PDE8B: variants seen among roughly 807,000 people sequenced by gnomAD.
The protein encoded by PDE8B is high affinity cAMP-specific and IBMX-insensitive 3',5'-cyclic phosphodiesterase 8B.
A neutral mutation model predicts 101.3 loss-of-function variants in PDE8B; 26 were observed. The observed-to-expected ratio is 0.26, with a 90% CI of 0.19 to 0.36. The LOEUF (loss-of-function observed/expected upper bound fraction) is 0.36. PDE8B is among the 10% of genes least tolerant of loss of function. The pLI is 1.00. For missense variants in PDE8B, 810 were observed against 1,163.1 expected (o/e 0.70, Z 4.42); for synonymous variants, 424 against 429.3 (o/e 0.99, Z 0.15).
the PDE8B span, among the ~76,000 whole-genome samples, chr5:77,181,297 A>C: frequency 6.6e-6 from 1 of 152,124 alleles, no homozygotes; most frequent in Non-Finnish European, 1.5e-5. Context: ...CCGGGAGAAC[A>C]GTCTGTGGTA....
chr5:77,347,737 G>A (rs1300125625), intron 7 of PDE8B, among the ~76,000 whole-genome samples: 1 of 152,180 alleles, frequency 6.6e-6, no homozygotes, highest in East Asian at 1.9e-4. Flanking sequence ...GGGGAATCAG[G>A]GAAGGCTTCC....
chr5:77,183,362 C>A, the PDE8B span, among the ~76,000 whole-genome samples: 1 of 152,146 alleles, frequency 6.6e-6, no homozygotes, highest in Non-Finnish European at 1.5e-5. Flanking sequence ...TCATGATCCA[C>A]CCGCCTCGGC....
At position 77,342,212 on chromosome 5, in the gene PDE8B, T is replaced by G. The variant is rs78576040; in HGVS notation, c.798-2641T>G. Among the ~76,000 whole-genome samples the G allele has an allele frequency of 5.2e-3, 791 of 152,330 alleles. 7 individuals are homozygous for G. The highest frequency in any genetic ancestry group is 0.019 in the African/African-American group (771 of 41,572). ...AAGTATTACTCTGTGATCTTAAACA[T>G]AACAACAGGTATCTACATGTGTTGT... On this transcript the variant is annotated intron_variant, in intron 6 of 21. Transcript: ENST00000264917.
At chr5:77,294,602 A>C (rs1768102692) in intron 1 of PDE8B, among the ~76,000 whole-genome samples, 2 of 152,088 alleles carry the variant, frequency 1.3e-5, no homozygotes, top group African/African-American at 4.8e-5. Flanking sequence ...TTACATCATT[A>C]GACAACAGAA....
At chr5:77,296,646 G>A (rs1277011145) in intron 1 of PDE8B, among the ~76,000 whole-genome samples, 2 of 152,104 alleles carry the variant, frequency 1.3e-5, no homozygotes, top group Non-Finnish European at 2.9e-5. Flanking sequence ...ATTTTTAAAC[G>A]TGTTGAATTT....
intron 10 of PDE8B, among the ~76,000 whole-genome samples, chr5:77,361,505 C>T (rs1283079315): frequency 6.7e-6 from 1 of 148,918 alleles, no homozygotes; most frequent in East Asian, 2.0e-4. Flanking sequence ...TGTTATTTGT[C>T]TTTCATCTTA....
the PDE8B span, among the ~76,000 whole-genome samples, chr5:77,156,437 A>C: frequency 3.3e-5 from 5 of 152,198 alleles, no homozygotes; most frequent in African/African-American, 1.2e-4. Context: ...GAGATGGAGA[A>C]GGAGAGCTAG....
At chr5:77,086,872 A>G in the PDE8B span, 8,348 of 152,452 alleles carry the variant, frequency 0.055, 272 homozygotes, top group East Asian at 0.086. Context: ...AGAGGAGTGC[A>G]GGGAAGGAGC....
intron 1 of PDE8B, among the ~76,000 whole-genome samples, chr5:77,309,378 C>CA (rs1772025700): frequency 6.6e-6 from 1 of 152,130 alleles, no homozygotes; most frequent in Admixed American, 6.5e-5. Context: ...TATCTCTTGG[C>CA]CTTCCAATGC....
intron 17 of PDE8B, among the ~76,000 whole-genome samples, chr5:77,415,780 A>C (rs1206259361): frequency 6.6e-6 from 1 of 152,162 alleles, no homozygotes; most frequent in Non-Finnish European, 1.5e-5. Context: ...ATGTTACCCA[A>C]TTCCAGGGAA....
At chr5:77,159,069 A>G in the PDE8B span, among the ~76,000 whole-genome samples, 3 of 152,052 alleles carry the variant, frequency 2.0e-5, no homozygotes, top group Admixed American at 6.6e-5. Context: ...GCCCTACTCT[A>G]TGTGGTCTCA....
chr5:77,137,930 G>A, the PDE8B span, among the ~76,000 whole-genome samples: 3 of 152,040 alleles, frequency 2.0e-5, no homozygotes, highest in African/African-American at 7.2e-5. Context: ...CAGACATGCT[G>A]CCCACCCAGA....
the PDE8B span, among the ~76,000 whole-genome samples, chr5:77,108,539 C>T: frequency 2.0e-5 from 3 of 152,018 alleles, no homozygotes; most frequent in Non-Finnish European, 2.9e-5. Flanking sequence ...AAAAATTAGC[C>T]GGGCATGGTG....
Position 77,325,729 on chromosome 5 carries a change from G to A in PDE8B, c.590G>A (p.Arg197Lys). ...AACTTCGATGCAGAAGCAGTGTGCA[G>A]GTACCTTCTCTAATTTAATATGCTT... ...TQNFDAEAVC[R>K]SIRATNPSEH... Residue 197 changes from arginine (R) to lysine (K), a missense_variant and splice_region_variant, in exon 3 of 22, where the codon AGG (arginine) becomes AAG (lysine). By Grantham distance (26) the Arg-to-Lys change is conservative (BLOSUM62 2). Around this residue, in one of 4 missense-constraint regions of PDE8B, gnomAD observed 251 missense variants for 378.8 expected, o/e 0.66. Transcript: ENST00000264917. The A allele has an allele frequency of 6.2e-7, 1 of 1,600,202 alleles. No individual in the cohort carries two copies.
At chr5:77,157,830 A>G in the PDE8B span, among the ~76,000 whole-genome samples, 4 of 152,196 alleles carry the variant, frequency 2.6e-5, no homozygotes, top group Non-Finnish European at 5.9e-5. Context: ...CTCCCTGTTT[A>G]GGACAGCATG....
At chr5:77,089,255 G>C in the PDE8B span, 1 of 152,326 alleles carries the variant, frequency 6.6e-6, no homozygotes, top group African/African-American at 2.4e-5. Context: ...GAGCACAATT[G>C]TGAACTGTGC....
rs1771369480 is a variant in PDE8B at position 77,307,006 on chromosome 5, A to AT, written c.340-4984dup. 3.9e-5 allele frequency among the ~76,000 whole-genome samples: 6 copies of AT among 152,038 alleles called. No individual in the cohort carries two copies. In the South Asian group the frequency reaches 1.2e-3, roughly 32 times the overall value. ...CAGAAAGTGGGCAAGCCAATGTTTG[A>AT]TTTTCCCAAGTCACAGATCTTATTA... is the stretch of plus-strand genomic sequence containing the variant. On this transcript the variant is annotated intron_variant, in intron 1 of 21. Coordinates refer to ENST00000264917, the MANE Select transcript of PDE8B (RefSeq NM_003719.5).
chr5:77,343,492 G>T (rs1443490951), intron 6 of PDE8B, among the ~76,000 whole-genome samples: 3 of 152,196 alleles, frequency 2.0e-5, no homozygotes, highest in Non-Finnish European at 2.9e-5. Flanking sequence ...CAGTAAAAAT[G>T]CAGTATAAAA....
the PDE8B span, chr5:77,115,100 C>T: frequency 1.3e-5 from 2 of 152,182 alleles, no homozygotes; most frequent in Non-Finnish European, 2.9e-5. Context: ...AAATATACCC[C>T]ATGTCTGCTT....
Sources: allele counts gnomAD v4.1 joint callset (sites outside exome capture counted in the v4.1 genomes callset), GRCh38; gene constraint gnomAD v4.1.1; regional missense constraint gnomAD v4.1.1; transcripts MANE v1.5; gene names NCBI Gene and HGNC (gene_info 2026-07-23, HGNC 2026-07-21).